The following PRR14L variants were observed in gnomAD, a reference collection of about 807,000 sequenced individuals.
The protein encoded by PRR14L is proline rich 14 like, also known as protein PRR14L.
PRR14L carries 80 observed loss-of-function variants against 155.0 expected under a neutral mutation model. The ratio of observed to expected loss-of-function variants is 0.52; its 90% confidence interval spans 0.43 to 0.62. The LOEUF is 0.62. Ranked by LOEUF, PRR14L falls within the 20% of genes least tolerant of loss-of-function variation. The pLI, the probability that PRR14L is intolerant of heterozygous loss-of-function variation, is 0.00. For synonymous variants in PRR14L, 883 were observed against 916.0 expected, an observed-to-expected ratio of 0.96 and a Z score of 0.65; for missense variants, 2,469 against 2,548.0, an observed-to-expected ratio of 0.97 and a Z score of 0.67.
Position 31,685,341 on chromosome 22 carries a change from A to G in PRR14L, c.*186T>C, listed in dbSNP as rs878951824. On this transcript the variant is annotated 3_prime_UTR_variant, in exon 9 of 9. Transcript: ENST00000327423. ...CAGTAAAAGTAGAGGACCCTCCTTCACCAGTTTCTAAAAAGGTTGCACCTT... is the reference window on the plus strand; with the variant it reads ...CAGTAAAAGTAGAGGACCCTCCTTCGCCAGTTTCTAAAAAGGTTGCACCTT... 1.7e-6 allele frequency: 1 copy of G among 586,028 alleles called. No individual in the cohort carries two copies. Among genetic ancestry groups the G allele is most frequent in the South Asian group, 2.2e-5 (1 of 45,528 alleles). 36.3% of individuals were successfully genotyped at this position (586,028 alleles called of 1,614,324 possible).
intron 7 of PRR14L, among the ~76,000 whole-genome samples, chr22:31,696,669 C>T (rs1453016027): frequency 1.3e-5 from 2 of 152,208 alleles, no homozygotes; most frequent in East Asian, 3.8e-4. Context: ...ACAGCTCCTA[C>T]CCATCCTGAA....
At chr22:31,736,151 G>A (rs527384997) in intron 2 of PRR14L, among the ~76,000 whole-genome samples, 41 of 151,292 alleles carry the variant, frequency 2.7e-4, no homozygotes, top group African/African-American at 7.0e-4. Context: ...CCTGGGAGGC[G>A]GAGCTTGCAG....
intron 3 of PRR14L, among the ~76,000 whole-genome samples, chr22:31,722,809 G>T (rs1013424698): frequency 6.6e-6 from 1 of 152,164 alleles, no homozygotes. Flanking sequence ...TGGGATTACA[G>T]GTGTAAGCCA....
chr22:31,725,498 A>G (rs1356956880), intron 3 of PRR14L, 40 bp downstream of exon 3: 16 of 1,306,792 alleles, frequency 1.2e-5, no homozygotes, highest in Non-Finnish European at 1.4e-5. Context: ...CAGTATTTGC[A>G]GTAAGTGGAT....
Position 31,714,727 on chromosome 22 carries a change from C to A in PRR14L, c.3112G>T (p.Ala1038Ser). 6.4e-7 allele frequency: 1 copy of A among 1,552,400 alleles called. No homozygotes were observed. Among genetic ancestry groups the A allele is most frequent in the Non-Finnish European group, 8.7e-7 (1 of 1,147,138 alleles). Residue 1038 changes from alanine to serine, a missense_variant, in exon 4 of 9, where the codon GCC (alanine) becomes TCC (serine). Coordinates refer to ENST00000327423, the MANE Select transcript of PRR14L (RefSeq NM_173566.3). Reference sequence around the variant, plus strand: ...TCACAACCAGACATCTTGACAAAGGCTCCTTTCAAATTGCATTTCTTTGGA... The same window carrying A: ...TCACAACCAGACATCTTGACAAAGGATCCTTTCAAATTGCATTTCTTTGGA... ...GSPKKCNLKG[A>S]FVKMSGCDES...
rs552646978 is a variant in PRR14L at position 31,683,763 on chromosome 22, T to C, written c.*1764A>G. Reference sequence around the variant, plus strand: ...TCAGTTTTTCTGCTCCAGTGTGGCATAGACTGTCAACCTGCAAAAGCAAGG... The same window carrying C: ...TCAGTTTTTCTGCTCCAGTGTGGCACAGACTGTCAACCTGCAAAAGCAAGG... On this transcript the variant is annotated 3_prime_UTR_variant, in exon 9 of 9. Coordinates refer to ENST00000327423, the MANE Select transcript of PRR14L (RefSeq NM_173566.3). 9.2e-5 allele frequency: 14 copies of C among 152,636 alleles called. No homozygotes were observed. In the South Asian group the frequency reaches 1.2e-3, roughly 14 times the overall value. 9.5% of individuals were successfully genotyped at this position (152,636 alleles called of 1,614,324 possible).
rs535691979 is a variant in PRR14L, at chr22:31,704,658, G to A, written c.5825C>T (p.Thr1942Met). ...ACGCTGAGTCTCATGTGCTTACCTCGTCTGACTGCCGCTGGTGTTATATGT... is the reference window on the plus strand; with the variant it reads ...ACGCTGAGTCTCATGTGCTTACCTCATCTGACTGCCGCTGGTGTTATATGT... ...EATYNTSGSQTRLEPPFPALV... is the reference protein window; with the variant it reads ...EATYNTSGSQMRLEPPFPALV... Residue 1942 changes from threonine to methionine, a missense_variant, in exon 5 of 9, where the codon ACG (threonine) becomes ATG (methionine). By Grantham distance (81) the Thr-to-Met change is moderately conservative. Transcript: ENST00000327423. The A allele has an allele frequency of 3.1e-5, 50 of 1,613,478 alleles. No homozygotes were observed. The South Asian group carries it at 4.0e-4, about 13-fold the overall frequency.
Position 31,714,997 on chromosome 22 carries a change from C to T in PRR14L, c.2842G>A (p.Val948Ile). Residue 948 changes from valine to isoleucine, a missense_variant, in exon 4 of 9, where the codon GTT (valine) becomes ATT (isoleucine). By Grantham distance (29) the Val-to-Ile change is conservative. Around this residue, in one of 2 missense-constraint regions of PRR14L, gnomAD observed 2,363 missense variants for 2,371.6 expected, o/e 1.00. Coordinates refer to ENST00000327423, the MANE Select transcript of PRR14L (RefSeq NM_173566.3). ...PEKVLDQSPT[V>I]MFSSFKNVKS... ...ACATTTTTAAAACTGGAGAACATAA[C>T]AGTAGGAGACTGGTCCAACACTTTT... The T allele has an allele frequency of 6.4e-7, 1 of 1,552,106 alleles. No homozygotes were observed. The highest frequency in any genetic ancestry group is 8.7e-7 in the Non-Finnish European group (1 of 1,147,058).
chr22:31,738,625 G>C lies in PRR14L; in HGVS notation c.236C>G (p.Thr79Ser), dbSNP rs1411205131. Residue 79 changes from threonine to serine, a missense_variant, in exon 2 of 9, where the codon ACC becomes AGC. Coordinates refer to ENST00000327423, the MANE Select transcript of PRR14L (RefSeq NM_173566.3). ...ACTCCCATGATCCAAGGTCTCATAG[G>C]TTTCTTCACAACAACTCTCCACATG... ...RTHVESCCEE[T>S]YETLDHGSEP... is the part of the protein sequence containing the mutation. The C allele has an allele frequency of 1.3e-6, 2 of 1,552,052 alleles. No homozygotes were observed. The highest frequency in any genetic ancestry group is 3.9e-5 in the Admixed American group (2 of 50,998).
At chr22:31,729,438 C>T (rs1332838971) in intron 2 of PRR14L, among the ~76,000 whole-genome samples, 3 of 152,158 alleles carry the variant, frequency 2.0e-5, no homozygotes, top group African/African-American at 4.8e-5. Flanking sequence ...AGGATGGTCT[C>T]GATCTCCTGA....
In PRR14L at chr22:31,712,129, G is replaced by A. The variant is rs2074626386; in HGVS notation, c.5710C>T (p.His1904Tyr). Residue 1904 changes from histidine (H) to tyrosine (Y), a missense_variant, in exon 4 of 9, where the codon CAT (histidine) becomes TAT (tyrosine). Around this residue, in one of 2 missense-constraint regions of PRR14L, gnomAD observed 2,363 missense variants for 2,371.6 expected, o/e 1.00. Coordinates refer to ENST00000327423, the MANE Select transcript of PRR14L (RefSeq NM_173566.3). Reference sequence around the variant, plus strand: ...GGTTGCCGCTTGCAGTGAGGGGAATGAAGAGAAGAGATTTCGAAGGAGCAG... The same window carrying A: ...GGTTGCCGCTTGCAGTGAGGGGAATAAAGAGAAGAGATTTCGAAGGAGCAG... ...SVCSFEISSLHSPHCKRQPSL... is the reference protein window; with the variant it reads ...SVCSFEISSLYSPHCKRQPSL... The A allele has an allele frequency of 6.2e-7, 1 of 1,613,818 alleles. No homozygotes were observed. Among genetic ancestry groups the A allele is most frequent in the Non-Finnish European group, 8.5e-7 (1 of 1,179,958 alleles).
Position 31,682,039 on chromosome 22 carries a change from CTTTCGCAGATCTTAA to C in PRR14L, c.*3473_*3487del, listed in dbSNP as rs2074456892. 1 of 152,250 alleles carries C rather than the reference CTTTCGCAGATCTTAA, an allele frequency of 6.6e-6. No homozygotes were observed. Among genetic ancestry groups the C allele is most frequent in the Non-Finnish European group, 1.5e-5 (1 of 68,050 alleles). The allele number at this position is 152,250 out of a possible 1,614,324, so 9.4% of individuals were successfully genotyped here. A position where few individuals can be genotyped will look rare whatever the true frequency, so the allele number is the denominator to read the frequency against. On this transcript the variant is annotated 3_prime_UTR_variant, in exon 9 of 9. Coordinates refer to ENST00000327423, the MANE Select transcript of PRR14L (RefSeq NM_173566.3). The stretch of plus-strand genomic sequence containing the variant: ...AAAGTATCACTGCCTAAAAGTTGGT[CTTTCGCAGATCTTAA>C]TGTACATGGCATTGATTATGAGACG...
intron 3 of PRR14L, among the ~76,000 whole-genome samples, chr22:31,722,182 C>T (rs940618596): frequency 6.6e-6 from 1 of 152,076 alleles, no homozygotes; most frequent in African/African-American, 2.4e-5. Flanking sequence ...GTAATCTCAG[C>T]ACTTTGGGAG....
In PRR14L at chr22:31,683,489, G is replaced by A. The variant is rs1046795284; in HGVS notation, c.*2038C>T. 2.6e-5 allele frequency: 4 copies of A among 152,270 alleles called. No homozygotes were observed. Among genetic ancestry groups the A allele is most frequent in the African/African-American group, 9.6e-5 (4 of 41,464 alleles). 9.4% of individuals were successfully genotyped at this position (152,270 alleles called of 1,614,324 possible). A position where few individuals can be genotyped will look rare whatever the true frequency, so the allele number is the denominator to read the frequency against. On this transcript the variant is annotated 3_prime_UTR_variant, in exon 9 of 9. Transcript: ENST00000327423. ...TTAGTGTCTAAGAACCCTGTCCCAG[G>A]AAGGGAGAGGTATTGAGGTGAAACA...
chr22:31,686,124 A>T lies in PRR14L; in HGVS notation c.6180-321T>A, dbSNP rs1359177908. 3.4e-5 allele frequency among the ~76,000 whole-genome samples: 5 copies of T among 146,158 alleles called. No individual in the cohort carries two copies. In the Admixed American group the frequency reaches 3.4e-4, roughly 10 times the overall value. On this transcript the variant is annotated intron_variant, in intron 8 of 8. Coordinates refer to ENST00000327423, the MANE Select transcript of PRR14L (RefSeq NM_173566.3). ...TAATTTTTTTTTTTTTTTAAGATGGAGTCTTACTCTGTCACCCAGGCTGGA... is the reference window on the plus strand; with the variant it reads ...TAATTTTTTTTTTTTTTTAAGATGGTGTCTTACTCTGTCACCCAGGCTGGA...
intron 1 of PRR14L, among the ~76,000 whole-genome samples, chr22:31,747,707 G>A (rs1319818748): frequency 1.3e-5 from 2 of 151,118 alleles, no homozygotes; most frequent in Non-Finnish European, 2.9e-5. Context: ...TTACTCAACG[G>A]CGTTTGAGGT....
rs530652931 is a variant in PRR14L at position 31,712,331 on chromosome 22, T to G, written c.5508A>C (p.Thr1836=). ...LCSPGCYRIW[T]KKRSFSSHMP... ...TGTGGCTGGAGAAGCTCCGTTTTTT[T>G]GTCCAGATTCGGTAACATCCTGGGG... The change falls in exon 4 of 9, where the codon ACA becomes ACC. Residue 1836 remains threonine (T), a synonymous_variant. Transcript: ENST00000327423. 1.2e-6 allele frequency: 2 copies of G among 1,614,150 alleles called. No homozygotes were observed. The highest frequency in any genetic ancestry group is 2.2e-5 in the East Asian group (1 of 44,882).
rs889472739 is a variant in PRR14L, at chr22:31,682,573, A to T, written c.*2954T>A. 3.9e-5 allele frequency: 6 copies of T among 152,208 alleles called. No homozygotes were observed. The highest frequency in any genetic ancestry group is 1.4e-4 in the African/African-American group (6 of 41,410). 9.4% of individuals were successfully genotyped at this position (152,208 alleles called of 1,614,324 possible). A position where few individuals can be genotyped will look rare whatever the true frequency, so the allele number is the denominator to read the frequency against. On this transcript the variant is annotated 3_prime_UTR_variant, in exon 9 of 9. Coordinates refer to ENST00000327423, the MANE Select transcript of PRR14L (RefSeq NM_173566.3). ...GAACGCGGAGGGAGAAGGCAAACACAGCTAGAAACTGAAAGATGGAAAAAA... is the reference window on the plus strand; with the variant it reads ...GAACGCGGAGGGAGAAGGCAAACACTGCTAGAAACTGAAAGATGGAAAAAA...
At chr22:31,708,957 A>G (rs1458101198) in intron 4 of PRR14L, among the ~76,000 whole-genome samples, 2 of 151,842 alleles carry the variant, frequency 1.3e-5, no homozygotes, top group Non-Finnish European at 2.9e-5. Context: ...CTCCCGAGTA[A>G]CTGGGATTAC....
Sources: gnomAD v4.1 joint callset for allele counts (sites outside exome capture counted in the v4.1 genomes callset) on GRCh38, gnomAD v4.1.1 for gene constraint, gnomAD v4.1.1 regional missense constraint, MANE v1.5 for transcripts, NCBI Gene and HGNC (gene_info 2026-07-23, HGNC 2026-07-21) for gene names.